GCFC2: variants seen among roughly 807,000 people sequenced by gnomAD.
GCFC2 encodes the protein intron Large complex component GCFC2.
A neutral mutation model predicts 99.4 loss-of-function variants in GCFC2; 102 were observed. The observed-to-expected ratio is 1.03, with a 90% CI of 0.87 to 1.21. The LOEUF (loss-of-function observed/expected upper bound fraction) is 1.21. GCFC2 is among the 50% of genes most tolerant of loss of function. The pLI is 0.00. For missense variants in GCFC2, 973 were observed against 920.9 expected (o/e 1.06, Z -0.73); for synonymous variants, 338 against 316.8 (o/e 1.07, Z -0.71).
In GCFC2 at chr2:75,664,172, G is replaced by T. The variant is rs1413603823; in HGVS notation, c.*494C>A. 6.6e-6 allele frequency: 1 copy of T among 152,184 alleles called. No homozygotes were observed. Among genetic ancestry groups the T allele is most frequent in the Non-Finnish European group, 1.5e-5 (1 of 68,046 alleles). The allele number at this position is 152,184 out of a possible 1,614,324, so 9.4% of individuals were successfully genotyped here. On this transcript the variant is annotated 3_prime_UTR_variant, in exon 17 of 17. Transcript: ENST00000321027. The stretch of plus-strand genomic sequence containing the variant: ...ATGCTTATGTTGGTACATTAAATTG[G>T]TACAGATTTCTGAAGGATAATTTGA...
At position 75,687,011 on chromosome 2, in the gene GCFC2, C is replaced by T. The variant is rs527695998; in HGVS notation, c.1690+816G>A. 2.0e-3 allele frequency among the ~76,000 whole-genome samples: 300 copies of T among 151,952 alleles called. 1 individual carries two copies. The highest frequency in any genetic ancestry group is 6.8e-3 in the African/African-American group (281 of 41,486). On this transcript the variant is annotated intron_variant, in intron 11 of 16. Coordinates refer to ENST00000321027, the MANE Select transcript of GCFC2 (RefSeq NM_003203.5). The stretch of plus-strand genomic sequence containing the variant: ...GTGCAATGGCACGATCTCGGCTCAC[C>T]GCAACCTTCGCCTCCCAGGTTTAAG...
At chr2:75,676,560 G>A in intron 12 of GCFC2, among the ~76,000 whole-genome samples, 1 of 151,664 alleles carries the variant, frequency 6.6e-6, no homozygotes, top group South Asian at 2.1e-4. Context: ...ATATTCCCAG[G>A]AAGGTCTAAT....
intron 3 of GCFC2, 41 bp downstream of exon 3, chr2:75,702,158 A>T (rs749147369): frequency 3.8e-6 from 6 of 1,575,408 alleles, no homozygotes; most frequent in Non-Finnish European, 5.2e-6. Context: ...TTATATTCTA[A>T]TAAAAAATAT....
chr2:75,690,202 C>T, intron 8 of GCFC2, 121 bp from the exon 9 acceptor site: 1 of 648,896 alleles, frequency 1.5e-6, no homozygotes, highest in Admixed American at 2.8e-5. Flanking sequence ...TTTTAAATGG[C>T]CAGAAATATA....
upstream of GCFC2, among the ~76,000 whole-genome samples, chr2:75,712,026 C>T (rs1261523785): frequency 6.6e-6 from 1 of 152,264 alleles, no homozygotes; most frequent in African/African-American, 2.4e-5. Context: ...TAGGTGAAGC[C>T]AGTTGGGCTC....
chr2:75,671,196 C>G (rs1278897008), intron 14 of GCFC2, among the ~76,000 whole-genome samples: 1 of 152,170 alleles, frequency 6.6e-6, no homozygotes, highest in Non-Finnish European at 1.5e-5. Flanking sequence ...TACAGATTCC[C>G]TGAAGCCTCC....
upstream of GCFC2, among the ~76,000 whole-genome samples, chr2:75,712,396 CTG>C (rs1214840903): frequency 6.6e-6 from 1 of 152,172 alleles, no homozygotes; most frequent in Non-Finnish European, 1.5e-5. Context: ...TGTGGAAACT[CTG>C]TATCTAACTA....
intron 11 of GCFC2, among the ~76,000 whole-genome samples, chr2:75,685,731 A>T (rs757625764): frequency 2.0e-5 from 3 of 152,142 alleles, no homozygotes; most frequent in Non-Finnish European, 4.4e-5. Context: ...TTCCAAACTT[A>T]TACCTTCTGA....
Position 75,690,386 on chromosome 2 carries a change from C to CTT in GCFC2, c.1226+251_1226+252insAA, listed in dbSNP as rs1680012382. 1.4e-5 allele frequency: 7 copies of CTT among 501,220 alleles called. No individual in the cohort carries two copies. The South Asian group carries it at 1.6e-4, about 12-fold the overall frequency. 31.0% of individuals were successfully genotyped at this position (501,220 alleles called of 1,614,324 possible). On this transcript the variant is annotated intron_variant, in intron 8 of 16. Transcript: ENST00000321027. ...AAGAGGGGGTAATTATAATTAGGAC[C>CTT]GGTTTCTAGTTACAAGGAATTCCCA...
intron 15 of GCFC2, 25 bp downstream of exon 15, chr2:75,670,113 G>A: frequency 6.7e-7 from 1 of 1,492,616 alleles, no homozygotes; most frequent in Non-Finnish European, 9.2e-7. Context: ...GATAAAATTA[G>A]AATCAGTCTT....
intron 1 of GCFC2, 79 bp from the exon 2 acceptor site, chr2:75,706,730 GC>G: frequency 1.1e-6 from 1 of 919,338 alleles, no homozygotes; most frequent in South Asian, 1.6e-5. Context: ...ACAACACATG[GC>G]ATATGTATAA....
intron 7 of GCFC2, among the ~76,000 whole-genome samples, chr2:75,691,083 C>T (rs1181713542): frequency 1.3e-5 from 2 of 152,100 alleles, no homozygotes; most frequent in Non-Finnish European, 2.9e-5. Context: ...ACAGGAGTCC[C>T]CCCTAATCTG....
At chr2:75,669,702 G>A (rs1344172633) in intron 15 of GCFC2, among the ~76,000 whole-genome samples, 1 of 152,036 alleles carries the variant, frequency 6.6e-6, no homozygotes, top group African/African-American at 2.4e-5. Context: ...ACAGAAGAGC[G>A]GCTCTGCATT....
chr2:75,702,653 T>C (rs1680661019), intron 2 of GCFC2, among the ~76,000 whole-genome samples: 1 of 152,226 alleles, frequency 6.6e-6, no homozygotes, highest in African/African-American at 2.4e-5. Flanking sequence ...TCAGAAAATA[T>C]ACTGAAACTG....
At chr2:75,676,459 TATC>T (rs1288468075) in intron 12 of GCFC2, among the ~76,000 whole-genome samples, 2 of 147,184 alleles carry the variant, frequency 1.4e-5, no homozygotes, top group Non-Finnish European at 3.0e-5. Context: ...TTAAGATGAA[TATC>T]ATACTTTTTT....
rs144425718 is a variant in GCFC2 at position 75,683,381 on chromosome 2, G to A, written c.1691-3067C>T. Among the ~76,000 whole-genome samples, 1,085 of 151,902 alleles carry A rather than the reference G, an allele frequency of 7.1e-3. 38 individuals are homozygous for A. The highest frequency in any genetic ancestry group is 0.025 in the African/African-American group (1,038 of 41,184). Reference sequence around the variant, plus strand: ...CAAAGGAAAAATAAAATCCTTTACAGACAAGCAAATGCTGAGAGATTTTGT... The same window carrying A: ...CAAAGGAAAAATAAAATCCTTTACAAACAAGCAAATGCTGAGAGATTTTGT... On this transcript the variant is annotated intron_variant, in intron 11 of 16. Coordinates refer to ENST00000321027, the MANE Select transcript of GCFC2 (RefSeq NM_003203.5).
At chr2:75,710,360 C>G (rs1226221033) in intron 1 of GCFC2, 1 of 1,002,040 alleles carries the variant, frequency 1.0e-6, no homozygotes, top group Non-Finnish European at 1.3e-6. Flanking sequence ...CCCAACTGTA[C>G]ACGATTGTTT....
At chr2:75,675,724 AC>A (rs1363216947) in intron 12 of GCFC2, among the ~76,000 whole-genome samples, 5 of 146,400 alleles carry the variant, frequency 3.4e-5, no homozygotes, top group African/African-American at 1.3e-4. Flanking sequence ...AGCCTGGGTG[AC>A]AGAGTAAGGT....
Position 75,692,072 on chromosome 2 carries a change from G to A in GCFC2, c.1049C>T (p.Ser350Phe). Residue 350 changes from serine to phenylalanine, a missense_variant, in exon 7 of 17, where the codon TCC (serine) becomes TTC (phenylalanine). Ser to Phe is a radical substitution (Grantham distance 155, BLOSUM62 -2). Transcript: ENST00000321027. ...TTGTTTTAAAAGGAGTGCATGCATG[G>A]ATGATTCTATTTCTTGGATGTTGAT... Reference protein sequence around the residue: ...KIINIQEIESSMHALLLKQAM... With the variant: ...KIINIQEIESFMHALLLKQAM... The A allele has an allele frequency of 1.3e-6, 2 of 1,510,262 alleles. No individual in the cohort carries two copies. The highest frequency in any genetic ancestry group is 2.4e-5 in the East Asian group (1 of 41,234). The allele number at this position is 1,510,262 out of a possible 1,614,324, so 93.6% of individuals were successfully genotyped here.
Sources: gnomAD v4.1 joint callset for allele counts (sites outside exome capture counted in the v4.1 genomes callset) on GRCh38, gnomAD v4.1.1 for gene constraint, MANE v1.5 for transcripts, NCBI Gene and HGNC (gene_info 2026-07-23, HGNC 2026-07-21) for gene names.